PSORS1C1: variants seen among roughly 807,000 people sequenced by gnomAD.
PSORS1C1 encodes psoriasis susceptibility 1 candidate 1, also known as psoriasis susceptibility 1 candidate gene 1 protein.
PSORS1C1 carries 7 observed loss-of-function variants against 9.4 expected under a neutral mutation model. The ratio of observed to expected loss-of-function variants is 0.75; its 90% confidence interval spans 0.42 to 1.40. PSORS1C1 has a LOEUF of 1.40. Among genes scored for constraint, PSORS1C1 ranks in the 40% most tolerant of loss-of-function variants. The pLI is 0.01. For missense variants in PSORS1C1, 146 were observed against 178.1 expected (o/e 0.82, Z 1.02); for synonymous variants, 63 against 69.4 (o/e 0.91, Z 0.46).
Position 31,138,006 on chromosome 6 carries a change from T to C in PSORS1C1, c.14-424T>C. ...GTCTGGCTCCTCCTGAGGTCGGTTGTCCACCTCAGGGGCAGGAGGCCAGGG... is the reference window on the plus strand; with the variant it reads ...GTCTGGCTCCTCCTGAGGTCGGTTGCCCACCTCAGGGGCAGGAGGCCAGGG... On this transcript the variant is annotated intron_variant, in intron 3 of 5. Transcript: ENST00000259881. 2.0e-6 allele frequency: 3 copies of C among 1,519,278 alleles called. No individual in the cohort carries two copies. The highest frequency in any genetic ancestry group is 1.8e-6 in the Non-Finnish European group (2 of 1,136,378). 94.1% of individuals were successfully genotyped at this position (1,519,278 alleles called of 1,614,324 possible). A position where few individuals can be genotyped will look rare whatever the true frequency, so the allele number is the denominator to read the frequency against.
At chr6:31,125,399 C>T (rs1163540559) in intron 1 of PSORS1C1, among the ~76,000 whole-genome samples, 1 of 152,190 alleles carries the variant, frequency 6.6e-6, no homozygotes, top group African/African-American at 2.4e-5. Flanking sequence ...GCTCCTGGCC[C>T]ACTCCCAGTA....
At chr6:31,136,871 C>A (rs1773161286) in intron 3 of PSORS1C1, among the ~76,000 whole-genome samples, 1 of 152,240 alleles carries the variant, frequency 6.6e-6, no homozygotes, top group Non-Finnish European at 1.5e-5. Flanking sequence ...TAAGTGTTGG[C>A]CGGGCACGGT....
rs1042390851 is a variant in PSORS1C1 at position 31,128,584 on chromosome 6, AG to A, written c.-64-980del. On this transcript the variant is annotated intron_variant, in intron 2 of 5. Transcript: ENST00000259881. This position sits in a 1 kb window ranked among gnomAD's most constrained non-coding sequence, Gnocchi z 4.3. ...ATTGATTACTGCCTCTGAGGATATT[AG>A]GGGGAAAAACCCACAGGAGGTGCAT... is the stretch of plus-strand genomic sequence containing the variant. Among the ~76,000 whole-genome samples, 1 of 152,140 alleles carries A rather than the reference AG, an allele frequency of 6.6e-6. No individual in the cohort carries two copies. Among genetic ancestry groups the A allele is most frequent in the Non-Finnish European group, 1.5e-5 (1 of 68,016 alleles).
In PSORS1C1 at chr6:31,116,313, G is replaced by T. The variant is rs150846158; in HGVS notation, c.-229+1422G>T. ...TTTTGCCACTGGATTGGGAACTGGA[G>T]CTGCTGCTGAAGGAGCCGGTGCCTG... On this transcript the variant is annotated intron_variant, in intron 1 of 5. Transcript: ENST00000259881. 3,660 of 1,613,792 alleles carry T rather than the reference G, an allele frequency of 2.3e-3. 15 individuals are homozygous for T. Among genetic ancestry groups the T allele is most frequent in the Admixed American group, 2.0e-3 (117 of 59,990 alleles).
At position 31,116,467 on chromosome 6, in the gene PSORS1C1, C is replaced by T. The variant is rs193021253; in HGVS notation, c.-229+1576C>T. The T allele has an allele frequency of 7.7e-4, 1,235 of 1,597,826 alleles. 2 individuals carry two copies. Among genetic ancestry groups the T allele is most frequent in the Non-Finnish European group, 7.2e-4 (840 of 1,171,956 alleles). Reference sequence around the variant, plus strand: ...GCAGGGTCCCTTGGAGCCCGTGGAGCCGCCTCCACAGAGCTGGACCCCACC... The same window carrying T: ...GCAGGGTCCCTTGGAGCCCGTGGAGTCGCCTCCACAGAGCTGGACCCCACC... On this transcript the variant is annotated intron_variant, in intron 1 of 5. Coordinates refer to ENST00000259881, the MANE Select transcript of PSORS1C1 (RefSeq NM_014068.3).
At chr6:31,131,068 G>A (rs1772890142) in intron 3 of PSORS1C1, among the ~76,000 whole-genome samples, 1 of 151,806 alleles carries the variant, frequency 6.6e-6, no homozygotes, top group Non-Finnish European at 1.5e-5. Flanking sequence ...AGAGGAGAGA[G>A]ACTTTCAGAT....
At chr6:31,134,530 C>G (rs987360359) in intron 3 of PSORS1C1, among the ~76,000 whole-genome samples, 13 of 152,122 alleles carry the variant, frequency 8.5e-5, no homozygotes, top group African/African-American at 3.1e-4. Flanking sequence ...TGGTCTCGAT[C>G]TCCTGACCTC....
intron 3 of PSORS1C1, among the ~76,000 whole-genome samples, chr6:31,131,834 A>C (rs1036859386): frequency 6.6e-6 from 1 of 152,254 alleles, no homozygotes; most frequent in South Asian, 2.1e-4. Context: ...ACAGTGCCCT[A>C]TGGCACATGC....
chr6:31,116,784 G>T (rs1772154559), intron 1 of PSORS1C1: 2 of 1,613,436 alleles, frequency 1.2e-6, no homozygotes, highest in Non-Finnish European at 1.7e-6. Context: ...TGCCTGGAAG[G>T]CCACCATTGC....
At chr6:31,117,029 A>G (rs1359581521) in intron 1 of PSORS1C1, 1 of 1,614,172 alleles carries the variant, frequency 6.2e-7, no homozygotes, top group South Asian at 1.1e-5. Context: ...GAAGAGGAAG[A>G]GCTTTGTCCA....
In PSORS1C1 at chr6:31,130,644, G is replaced by A. The variant is rs374403986; in HGVS notation, c.13+999G>A. On this transcript the variant is annotated intron_variant, in intron 3 of 5. Coordinates refer to ENST00000259881, the MANE Select transcript of PSORS1C1 (RefSeq NM_014068.3). ...TCTCGATCTCCTGACCTCGCGATCC[G>A]CCCACCTCGGCCTCCCAAAGTGCTG... Among the ~76,000 whole-genome samples, 93 of 152,032 alleles carry A rather than the reference G, an allele frequency of 6.1e-4. No individual in the cohort carries two copies. In the East Asian group the frequency reaches 7.9e-3, roughly 13 times the overall value.
intron 3 of PSORS1C1, among the ~76,000 whole-genome samples, chr6:31,136,472 C>T (rs895120580): frequency 1.3e-5 from 2 of 151,646 alleles, no homozygotes; most frequent in Non-Finnish European, 2.9e-5. Context: ...TGACCTTTGG[C>T]GGCTCTGGGA....
chr6:31,124,158 G>C (rs1772580040), intron 1 of PSORS1C1, among the ~76,000 whole-genome samples: 2 of 152,146 alleles, frequency 1.3e-5, no homozygotes, highest in South Asian at 4.1e-4. Context: ...ATGTGAGAGG[G>C]TGCAGGGAAC....
intron 5 of PSORS1C1, 102 bp downstream of exon 5, chr6:31,138,881 G>T (rs1184225719): frequency 1.2e-5 from 19 of 1,601,298 alleles, no homozygotes; most frequent in Non-Finnish European, 1.6e-5. Flanking sequence ...CTGAATTCCT[G>T]TCCCCAACCC....
intron 5 of PSORS1C1, 150 bp downstream of exon 5, chr6:31,138,929 T>C (rs569420566): frequency 1.2e-6 from 2 of 1,608,132 alleles, no homozygotes; most frequent in South Asian, 1.1e-5. Context: ...TGAGTATCCC[T>C]CATCACCCCA....
intron 1 of PSORS1C1, among the ~76,000 whole-genome samples, chr6:31,123,917 G>C (rs1772568395): frequency 1.3e-5 from 2 of 152,186 alleles, no homozygotes; most frequent in Admixed American, 1.3e-4. Flanking sequence ...GGAGGTGGCA[G>C]GACTTTCCCC....
intron 3 of PSORS1C1, 49 bp from the exon 4 acceptor site, chr6:31,138,381 G>A: frequency 1.2e-6 from 2 of 1,605,992 alleles, no homozygotes; most frequent in Non-Finnish European, 1.7e-6. Context: ...CCAGCCCCAG[G>A]AGGAGGAGCC....
intron 3 of PSORS1C1, chr6:31,137,856 C>T (rs2074478): frequency 0.82 from 459,167 of 558,006 alleles, 189,542 homozygotes; most frequent in African/African-American, 0.89. Flanking sequence ...TTTAAGGAGA[C>T]AGGCTAAATT....
At chr6:31,116,196 G>A in intron 1 of PSORS1C1, 1 of 1,613,676 alleles carries the variant, frequency 6.2e-7, no homozygotes, top group Non-Finnish European at 8.5e-7. Flanking sequence ...GATGGGGAGA[G>A]CCATCGGGGC....
Sources: allele counts gnomAD v4.1 joint callset (sites outside exome capture counted in the v4.1 genomes callset), GRCh38; gene constraint gnomAD v4.1.1; non-coding constraint Gnocchi (gnomAD v3.1); transcripts MANE v1.5; gene names NCBI Gene and HGNC (gene_info 2026-07-23, HGNC 2026-07-21).